PTPRT: variants seen among roughly 807,000 people sequenced by gnomAD.
PTPRT encodes the protein receptor-type tyrosine-protein phosphatase T.
A neutral mutation model predicts 176.8 loss-of-function variants in PTPRT; 56 were observed. The ratio of observed to expected loss-of-function variants is 0.32; its 90% confidence interval spans 0.26 to 0.40. The LOEUF (loss-of-function observed/expected upper bound fraction) is 0.40, where lower values mean the gene tolerates loss of function less well. Among genes scored for constraint, PTPRT ranks in the 10% least tolerant of loss-of-function variants. The pLI, the probability that PTPRT is intolerant of heterozygous loss-of-function variation, is 1.00. For missense variants in PTPRT, 1,540 were observed against 1,908.2 expected (o/e 0.81, Z 3.60); for synonymous variants, 783 against 739.0 (o/e 1.06, Z -0.96).
intron 1 of PTPRT, among the ~76,000 whole-genome samples, chr20:42,981,365 T>G (rs1316590342): frequency 1.3e-5 from 2 of 152,178 alleles, no homozygotes; most frequent in Admixed American, 6.5e-5. Flanking sequence ...GGTGGGAGAT[T>G]GTTTGCAATA....
At chr20:42,128,127 C>T (rs1183752138) in intron 19 of PTPRT, among the ~76,000 whole-genome samples, 1 of 152,184 alleles carries the variant, frequency 6.6e-6, no homozygotes, top group Non-Finnish European at 1.5e-5. Flanking sequence ...GTTGCTCCAT[C>T]TTGGCTTGTG....
At chr20:42,527,301 T>C (rs2072295399) in intron 7 of PTPRT, among the ~76,000 whole-genome samples, 2 of 152,088 alleles carry the variant, frequency 1.3e-5, no homozygotes, top group Admixed American at 1.3e-4. Context: ...CTTCCTTGAT[T>C]CTCCATGGTG....
intron 7 of PTPRT, among the ~76,000 whole-genome samples, chr20:42,516,004 A>C: frequency 6.8e-6 from 1 of 148,084 alleles, no homozygotes; most frequent in East Asian, 2.0e-4. Flanking sequence ...TATCACAAGA[A>C]CAAAAAACCA....
At chr20:42,268,471 T>C (rs188377940) in intron 13 of PTPRT, among the ~76,000 whole-genome samples, 35 of 152,230 alleles carry the variant, frequency 2.3e-4, no homozygotes, top group Admixed American at 1.2e-3. Flanking sequence ...TCTCTGTAAA[T>C]TGGTGGTGTG....
intron 2 of PTPRT, among the ~76,000 whole-genome samples, chr20:42,883,395 G>C (rs1309901425): frequency 6.6e-6 from 1 of 152,036 alleles, no homozygotes; most frequent in Non-Finnish European, 1.5e-5. Context: ...AAGTGGGTAA[G>C]AGAGAGAAAA....
chr20:42,650,799 A>T (rs1333792244), intron 7 of PTPRT, among the ~76,000 whole-genome samples: 2 of 152,186 alleles, frequency 1.3e-5, no homozygotes, highest in East Asian at 3.8e-4. Flanking sequence ...CAGGAAAACA[A>T]CCACAGTGGA....
At chr20:42,101,736 C>G (rs1254601733) in intron 26 of PTPRT, among the ~76,000 whole-genome samples, 1 of 152,250 alleles carries the variant, frequency 6.6e-6, no homozygotes, top group African/African-American at 2.4e-5. Context: ...GAACCTGTGT[C>G]TGCACCGTCT....
chr20:42,490,638 T>C (rs116815320), intron 7 of PTPRT, among the ~76,000 whole-genome samples: 2 of 151,836 alleles, frequency 1.3e-5, no homozygotes, highest in Non-Finnish European at 2.9e-5. Context: ...TCATATCATC[T>C]ACAAACAATG....
intron 7 of PTPRT, among the ~76,000 whole-genome samples, chr20:42,623,619 A>G (rs2074238350): frequency 1.3e-5 from 2 of 152,192 alleles, no homozygotes; most frequent in East Asian, 3.9e-4. Context: ...TCATTCTGCT[A>G]GGGCCTTCGA....
At position 42,472,273 on chromosome 20, in the gene PTPRT, C is replaced by T; in HGVS notation, c.1443G>A (p.Glu481=). The change falls in exon 8 of 31, where the codon GAG becomes GAA. Residue 481 remains glutamate (E), a synonymous_variant. Transcript: ENST00000373187. ...MESEELVVQT[E]EDVPGAVPLE... ...CTCTCCTCCCTTGCTCACCGTCTTC[C>T]TCAGTCTGCACCACCAGCTCCTCGC... 1 of 1,613,944 alleles carries T rather than the reference C, an allele frequency of 6.2e-7. No homozygotes were observed. Among genetic ancestry groups the T allele is most frequent in the Non-Finnish European group, 8.5e-7 (1 of 1,179,850 alleles).
At chr20:42,087,889 AAAAAAATAGAAG>A (rs1984163066) in intron 27 of PTPRT, among the ~76,000 whole-genome samples, 1 of 144,854 alleles carries the variant, frequency 6.9e-6, no homozygotes, top group South Asian at 2.1e-4. Context: ...AAAAAAAAAA[AAAAAAATAGAAG>A]AAGAAGAAGA....
chr20:43,117,430 A>G (rs901452422), intron 1 of PTPRT, among the ~76,000 whole-genome samples: 2 of 151,538 alleles, frequency 1.3e-5, no homozygotes, highest in African/African-American at 4.9e-5. Context: ...CTCCAATCTT[A>G]TTTTCCTGTT....
rs1982611834 is a variant in PTPRT, at chr20:42,074,759, C to T, written c.*6120G>A. The T allele has an allele frequency of 2.5e-6, 1 of 398,386 alleles. No homozygotes were observed. The highest frequency in any genetic ancestry group is 4.4e-6 in the Non-Finnish European group (1 of 226,068). 24.7% of individuals were successfully genotyped at this position (398,386 alleles called of 1,614,324 possible). On this transcript the variant is annotated 3_prime_UTR_variant, in exon 31 of 31. Coordinates refer to ENST00000373187, the MANE Select transcript of PTPRT (RefSeq NM_007050.6). ...TGAGTGGATTTCAGTTGGTGAATGC[C>T]CTTTGATGACCTTTTCCCATCTCTT...
chr20:43,081,644 T>C (rs889814679), intron 1 of PTPRT, among the ~76,000 whole-genome samples: 8 of 152,208 alleles, frequency 5.3e-5, no homozygotes, highest in Non-Finnish European at 7.4e-5. Flanking sequence ...TAATCCTTCA[T>C]TGACTCAGAG....
rs375917552 is a variant in PTPRT at position 42,904,742 on chromosome 20, G to A, written c.89-18810C>T. On this transcript the variant is annotated intron_variant, in intron 1 of 30. Transcript: ENST00000373187. ...CCCATCCTGTGCCTATAAAAACCCCGAGACTCCAGAAATAACACCACACAT... is the reference window on the plus strand; with the variant it reads ...CCCATCCTGTGCCTATAAAAACCCCAAGACTCCAGAAATAACACCACACAT... Among the ~76,000 whole-genome samples, 23 of 152,094 alleles carry A rather than the reference G, an allele frequency of 1.5e-4. No homozygotes were observed. In the South Asian group the frequency reaches 2.1e-3, roughly 14 times the overall value.
At chr20:43,110,254 A>G (rs1258926254) in intron 1 of PTPRT, among the ~76,000 whole-genome samples, 1 of 152,206 alleles carries the variant, frequency 6.6e-6, no homozygotes, top group African/African-American at 2.4e-5. Flanking sequence ...GAGGGAACTA[A>G]TAGAGTGACA....
intron 11 of PTPRT, among the ~76,000 whole-genome samples, chr20:42,328,695 A>T (rs1471409157): frequency 6.6e-6 from 1 of 152,022 alleles, no homozygotes; most frequent in Non-Finnish European, 1.5e-5. Context: ...AACTAACATT[A>T]TACGTAAGAG....
rs56267962 is a variant in PTPRT at position 42,489,008 on chromosome 20, TTGTGTGTGTGTGTGTGTGTGTG to T, written c.1154-16468_1154-16447del. ...GAAAAATAAATAAAATCAACCAAGT[TTGTGTGTGTGTGTGTGTGTGTG>T]TGTGTGTGTGTGTGTGTGTGTGTGT... On this transcript the variant is annotated intron_variant, in intron 7 of 30. Transcript: ENST00000373187. 8.1e-3 allele frequency among the ~76,000 whole-genome samples: 1,059 copies of T among 131,266 alleles called. 8 individuals carry two copies. Among genetic ancestry groups the T allele is most frequent in the African/African-American group, 0.023 (848 of 36,374 alleles). The allele number at this position is 131,266 out of a possible 152,430, so 86.1% of individuals were successfully genotyped here.
intron 6 of PTPRT, among the ~76,000 whole-genome samples, chr20:42,700,419 C>G (rs555737459): frequency 6.6e-6 from 1 of 150,904 alleles, no homozygotes; most frequent in Non-Finnish European, 1.5e-5. Flanking sequence ...AGGAAACAGA[C>G]GCAGAGCGCC....
Sources: gnomAD v4.1 joint callset for allele counts (sites outside exome capture counted in the v4.1 genomes callset) on GRCh38, gnomAD v4.1.1 for gene constraint, MANE v1.5 for transcripts, NCBI Gene and HGNC (gene_info 2026-07-23, HGNC 2026-07-21) for gene names.